Variants in IFNG-AS1 observed in about 807,000 individuals in gnomAD.
IFNG-AS1 encodes IFNG regulatory antisense RNA 1, also known as IFNG antisense RNA 1 (non-protein coding).
chr12:67,992,104 T>C (rs940710055), intron 1 of IFNG-AS1, among the ~76,000 whole-genome samples: 7 of 152,228 alleles, frequency 4.6e-5, no homozygotes, highest in African/African-American at 1.7e-4. Context: ...ATTTTGAATT[T>C]GATGTTTATC....
intron 3 of IFNG-AS1, among the ~76,000 whole-genome samples, chr12:68,017,764 A>G (rs1464602220): frequency 6.6e-6 from 1 of 152,184 alleles, no homozygotes; most frequent in African/African-American, 2.4e-5. Context: ...TAATGGTTAC[A>G]TTTAATGGCT....
intron 3 of IFNG-AS1, among the ~76,000 whole-genome samples, chr12:68,018,397 G>A (rs903409977): frequency 3.3e-5 from 5 of 152,076 alleles, no homozygotes; most frequent in African/African-American, 1.2e-4. Flanking sequence ...CACAATCTAA[G>A]CCTCTTGCTT....
At chr12:68,000,740 C>T (rs1425024188) in intron 2 of IFNG-AS1, among the ~76,000 whole-genome samples, 1 of 152,056 alleles carries the variant, frequency 6.6e-6, no homozygotes, top group Non-Finnish European at 1.5e-5. Flanking sequence ...CATAAATTCT[C>T]CCCCAGATCA....
chr12:68,019,275 T>TAGTAATCACTA (rs1880229588), intron 3 of IFNG-AS1, among the ~76,000 whole-genome samples: 1 of 152,172 alleles, frequency 6.6e-6, no homozygotes, highest in Non-Finnish European at 1.5e-5. Flanking sequence ...CACTTACATG[T>TAGTAATCACTA]GCTTACTACA....
chr12:67,999,441 C>T (rs938251023), intron 2 of IFNG-AS1, among the ~76,000 whole-genome samples: 2 of 152,140 alleles, frequency 1.3e-5, no homozygotes, highest in Non-Finnish European at 2.9e-5. Flanking sequence ...TATCCTGGAA[C>T]ATCTTGTGCC....
intron 1 of IFNG-AS1, among the ~76,000 whole-genome samples, chr12:67,991,062 C>T (rs1237484891): frequency 6.6e-6 from 1 of 152,158 alleles, no homozygotes; most frequent in East Asian, 1.9e-4. Context: ...ACCTGACATC[C>T]TCTCGGGACA....
At chr12:67,991,510 G>A (rs1879511436) in intron 1 of IFNG-AS1, among the ~76,000 whole-genome samples, 2 of 152,232 alleles carry the variant, frequency 1.3e-5, no homozygotes, top group African/African-American at 2.4e-5. Context: ...ACATGTGAGT[G>A]CTAGAGAAAA....
At chr12:67,997,186 C>A (rs899999880) in intron 2 of IFNG-AS1, among the ~76,000 whole-genome samples, 1 of 151,886 alleles carries the variant, frequency 6.6e-6, no homozygotes, top group Non-Finnish European at 1.5e-5. Flanking sequence ...TGAAGAAGAG[C>A]CAAGAAAACA....
chr12:68,008,443 A>G (rs922151225), intron 3 of IFNG-AS1, among the ~76,000 whole-genome samples: 1 of 152,040 alleles, frequency 6.6e-6, no homozygotes, highest in Non-Finnish European at 1.5e-5. Flanking sequence ...GTAGAGATAC[A>G]TAGTCTTTAT....
At chr12:68,003,596 TG>T in intron 2 of IFNG-AS1, among the ~76,000 whole-genome samples, 1 of 152,136 alleles carries the variant, frequency 6.6e-6, no homozygotes. Flanking sequence ...CAAGCTTCAA[TG>T]CCTCCCTTGC....
At chr12:68,015,849 T>G (rs1880140173) in intron 3 of IFNG-AS1, among the ~76,000 whole-genome samples, 1 of 152,030 alleles carries the variant, frequency 6.6e-6, no homozygotes, top group African/African-American at 2.4e-5. Context: ...CAGTATAGCG[T>G]GGAGGTTAAG....
intron 3 of IFNG-AS1, among the ~76,000 whole-genome samples, chr12:68,012,458 C>T (rs1030060212): frequency 1.3e-5 from 2 of 152,156 alleles, no homozygotes; most frequent in African/African-American, 2.4e-5. Flanking sequence ...TATGCTCAAC[C>T]AGGGGAATGC....
intron 3 of IFNG-AS1, among the ~76,000 whole-genome samples, chr12:68,016,600 T>C (rs1256222500): frequency 6.6e-6 from 1 of 152,174 alleles, no homozygotes; most frequent in South Asian, 2.1e-4. Flanking sequence ...ATAATGAATG[T>C]CAGGTGCCAG....
intron 1 of IFNG-AS1, among the ~76,000 whole-genome samples, chr12:67,994,973 C>A (rs1310890735): frequency 6.6e-6 from 1 of 152,144 alleles, no homozygotes; most frequent in Non-Finnish European, 1.5e-5. Context: ...ATATAATATG[C>A]TTACAAGAGT....
chr12:68,016,947 C>A (rs1457478912), intron 3 of IFNG-AS1, among the ~76,000 whole-genome samples: 1 of 152,180 alleles, frequency 6.6e-6, no homozygotes, highest in Non-Finnish European at 1.5e-5. Flanking sequence ...CCTCATGGAA[C>A]TTTCAAGCTT....
At chr12:68,002,465 T>C (rs1879791570) in intron 2 of IFNG-AS1, among the ~76,000 whole-genome samples, 1 of 152,238 alleles carries the variant, frequency 6.6e-6, no homozygotes, top group Admixed American at 6.5e-5. Context: ...TCTATGTTCT[T>C]CCCCACGTAA....
chr12:68,007,151 G>A (rs1879924781), intron 3 of IFNG-AS1, among the ~76,000 whole-genome samples: 1 of 152,166 alleles, frequency 6.6e-6, no homozygotes, highest in African/African-American at 2.4e-5. Flanking sequence ...GTGACCTTGG[G>A]CATGTTCCCC....
chr12:68,005,237 C>G (rs1386690086), intron 2 of IFNG-AS1, among the ~76,000 whole-genome samples: 2 of 152,172 alleles, frequency 1.3e-5, no homozygotes, highest in African/African-American at 2.4e-5. Flanking sequence ...CCTCTTGAAA[C>G]CAATTTGAGT....
intron 3 of IFNG-AS1, among the ~76,000 whole-genome samples, chr12:68,016,578 T>C (rs1020877730): frequency 7.2e-5 from 11 of 152,336 alleles, no homozygotes; most frequent in Middle Eastern, 3.4e-3. Flanking sequence ...ATATGGTTGC[T>C]GCAGTGATGA....
Sources: gnomAD v4.1 joint callset for allele counts (sites outside exome capture counted in the v4.1 genomes callset) on GRCh38, gnomAD v4.1.1 for gene constraint, MANE v1.5 for transcripts, NCBI Gene and HGNC (gene_info 2026-07-23, HGNC 2026-07-21) for gene names.